Variants in ITPRID1 observed in about 807,000 individuals in gnomAD.
The protein encoded by ITPRID1 is protein ITPRID1.
A neutral mutation model predicts 95.4 loss-of-function variants in ITPRID1; 96 were observed. The ratio of observed to expected loss-of-function variants is 1.01; its 90% CI spans 0.85 to 1.19. The LOEUF is 1.19. ITPRID1 is among the 50% of genes most tolerant of loss of function. The pLI is 0.00. For missense variants in ITPRID1, 1,339 were observed against 1,252.9 expected, an observed-to-expected ratio of 1.07 and a Z score of -1.04; for synonymous variants, 510 against 453.6, an observed-to-expected ratio of 1.12 and a Z score of -1.58.
At chr7:31,592,128 G>T (rs924871486) in intron 10 of ITPRID1, among the ~76,000 whole-genome samples, 1 of 152,122 alleles carries the variant, frequency 6.6e-6, no homozygotes, top group Non-Finnish European at 1.5e-5. Context: ...ATGCGTAAGG[G>T]CAGTATAATG....
intron 9 of ITPRID1, among the ~76,000 whole-genome samples, chr7:31,582,550 C>T (rs1411793207): frequency 6.6e-6 from 1 of 151,982 alleles, no homozygotes; most frequent in Non-Finnish European, 1.5e-5. Flanking sequence ...CAAGCCCAAC[C>T]CTGTTTTTTT....
At chr7:31,585,980 C>A (rs553170577) in intron 10 of ITPRID1, among the ~76,000 whole-genome samples, 1 of 124,636 alleles carries the variant, frequency 8.0e-6, no homozygotes, top group East Asian at 2.9e-4. Context: ...CCGATGCTAT[C>A]CCTCCCCCCT....
At chr7:31,545,979 T>G (rs950601039) in intron 1 of ITPRID1, among the ~76,000 whole-genome samples, 2 of 152,132 alleles carry the variant, frequency 1.3e-5, no homozygotes, top group Non-Finnish European at 2.9e-5. Flanking sequence ...TATTTTATTA[T>G]TATTATTTTT....
rs1439325935 is a variant in ITPRID1, at chr7:31,642,723, A to G, written c.1353A>G (p.Gly451=). Residue 451 remains glycine, a synonymous_variant, in exon 12 of 15, where the codon GGA becomes GGG. Coordinates refer to ENST00000615280, the MANE Select transcript of ITPRID1 (RefSeq NM_001257967.3). ...ACAGCCAGAGTCCTGCTGAGAATGG[A>G]GGTAGAAAGCCAAGAGATCAGAGCC... ...LPNSQSPAEN[G]GRKPRDQSHS... is the part of the protein sequence containing the mutation. 1 of 1,613,822 alleles carries G rather than the reference A, an allele frequency of 6.2e-7. No homozygotes were observed. The highest frequency in any genetic ancestry group is 8.5e-7 in the Non-Finnish European group (1 of 1,179,878).
At chr7:31,629,871 C>T (rs1000552735) in intron 10 of ITPRID1, among the ~76,000 whole-genome samples, 3 of 152,030 alleles carry the variant, frequency 2.0e-5, no homozygotes, top group African/African-American at 4.8e-5. Context: ...TGTACACCAG[C>T]GTACTGAATT....
chr7:31,522,713 C>G (rs137924720), intron 1 of ITPRID1, among the ~76,000 whole-genome samples: 1 of 152,220 alleles, frequency 6.6e-6, no homozygotes, highest in African/African-American at 2.4e-5. Context: ...GACAGAAATT[C>G]CAGGGATGGC....
intron 10 of ITPRID1, among the ~76,000 whole-genome samples, chr7:31,624,187 C>G (rs1241393402): frequency 1.3e-5 from 2 of 148,852 alleles, no homozygotes; most frequent in Non-Finnish European, 3.0e-5. Context: ...GTGAAAATGG[C>G]CATACTGCCC....
intron 10 of ITPRID1, among the ~76,000 whole-genome samples, chr7:31,631,482 A>C (rs1033427192): frequency 1.3e-5 from 2 of 152,172 alleles, no homozygotes; most frequent in Non-Finnish European, 2.9e-5. Context: ...AATGATCTTT[A>C]TTTTTTATTT....
At chr7:31,620,317 C>A (rs1221516830) in intron 10 of ITPRID1, among the ~76,000 whole-genome samples, 2 of 151,678 alleles carry the variant, frequency 1.3e-5, no homozygotes, top group African/African-American at 4.8e-5. Context: ...CAAGTGGGTC[C>A]CTGACCCCTG....
intron 10 of ITPRID1, among the ~76,000 whole-genome samples, chr7:31,583,856 T>A (rs910989928): frequency 6.6e-6 from 1 of 152,156 alleles, no homozygotes; most frequent in Non-Finnish European, 1.5e-5. Flanking sequence ...ATAGTGCACA[T>A]GCTGTTTTCA....
At chr7:31,525,695 G>A (rs568379213) in intron 1 of ITPRID1, among the ~76,000 whole-genome samples, 1 of 152,092 alleles carries the variant, frequency 6.6e-6, no homozygotes, top group Non-Finnish European at 1.5e-5. Flanking sequence ...TAACTCTAAG[G>A]GGGGAAATAC....
chr7:31,580,887 A>G (rs1785379301), intron 9 of ITPRID1, among the ~76,000 whole-genome samples: 1 of 152,188 alleles, frequency 6.6e-6, no homozygotes, highest in Non-Finnish European at 1.5e-5. Context: ...TATGTAAGGC[A>G]GAGATAGTCC....
At chr7:31,585,995 C>G (rs1312054361) in intron 10 of ITPRID1, among the ~76,000 whole-genome samples, 1 of 142,566 alleles carries the variant, frequency 7.0e-6, no homozygotes, top group Non-Finnish European at 1.5e-5. Flanking sequence ...CCCCCTCCCC[C>G]CATCCCACAA....
In ITPRID1 at chr7:31,653,587, C is replaced by T. The variant is rs984965757; in HGVS notation, c.*758C>T. The T allele has an allele frequency of 2.6e-5, 4 of 151,894 alleles. No homozygotes were observed. Among genetic ancestry groups the T allele is most frequent in the Non-Finnish European group, 5.9e-5 (4 of 67,954 alleles). 9.4% of individuals were successfully genotyped at this position (151,894 alleles called of 1,614,324 possible). ...AGATTTTAGGGACCACAAGGAATTT[C>T]CCAGTGGGCAAATTGTGAGGGAGGT... On this transcript the variant is annotated 3_prime_UTR_variant, in exon 15 of 15. Transcript: ENST00000615280.
chr7:31,654,613 A>G lies in ITPRID1; in HGVS notation c.*1784A>G, dbSNP rs1429028317. Among the ~76,000 whole-genome samples, 2 of 152,172 alleles carry G rather than the reference A, an allele frequency of 1.3e-5. No homozygotes were observed. The highest frequency in any genetic ancestry group is 6.5e-5 in the Admixed American group (1 of 15,272). Reference sequence around the variant, plus strand: ...AAGCAAATGTCGTCAAGTTGCTTCTATTCAGCCTTGGAGGCTTGTGAGGCT... The same window carrying G: ...AAGCAAATGTCGTCAAGTTGCTTCTGTTCAGCCTTGGAGGCTTGTGAGGCT... On this transcript the variant is annotated 3_prime_UTR_variant, in exon 15 of 15. Coordinates refer to ENST00000615280, the MANE Select transcript of ITPRID1 (RefSeq NM_001257967.3).
At chr7:31,572,081 T>C (rs1785009882) in intron 6 of ITPRID1, 21 bp from the exon 7 acceptor site, 3 of 1,517,318 alleles carry the variant, frequency 2.0e-6, no homozygotes, top group African/African-American at 1.4e-5. Flanking sequence ...CATCTCATTG[T>C]TGATATTTTC....
chr7:31,622,349 A>G (rs187002583), intron 10 of ITPRID1, among the ~76,000 whole-genome samples: 162 of 152,280 alleles, frequency 1.1e-3, no homozygotes, highest in African/African-American at 3.7e-3. Context: ...TTGACCAGAT[A>G]GTTGGAAGTA....
intron 10 of ITPRID1, among the ~76,000 whole-genome samples, chr7:31,599,435 C>T (rs535077146): frequency 2.7e-4 from 41 of 152,158 alleles, no homozygotes; most frequent in South Asian, 2.5e-3. Context: ...CTGGTTAACT[C>T]TGGACATGAA....
intron 13 of ITPRID1, 107 bp from the exon 14 acceptor site, chr7:31,651,832 C>A: frequency 3.2e-5 from 21 of 656,546 alleles, no homozygotes; most frequent in Middle Eastern, 4.5e-4. Flanking sequence ...AGATGACATT[C>A]TCTTTTAAGA....
Sources: gnomAD v4.1 joint callset for allele counts (sites outside exome capture counted in the v4.1 genomes callset) on GRCh38, gnomAD v4.1.1 for gene constraint, MANE v1.5 for transcripts, NCBI Gene and HGNC (gene_info 2026-07-23, HGNC 2026-07-21) for gene names.